Variants in LDB1 observed in about 807,000 individuals in gnomAD.
LDB1 encodes the protein LIM domain binding 1.
A neutral mutation model predicts 49.7 loss-of-function variants in LDB1; 6 were observed. The observed-to-expected ratio is 0.12, with a 90% CI of 0.07 to 0.24. The LOEUF is 0.24. Among genes scored for constraint, LDB1 ranks in the 10% least tolerant of loss-of-function variants. The pLI is 1.00. For missense variants in LDB1, 341 were observed against 561.7 expected, an observed-to-expected ratio of 0.61 and a Z score of 3.97; for synonymous variants, 233 against 202.0, an observed-to-expected ratio of 1.15 and a Z score of -1.30.
At position 102,110,631 on chromosome 10, in the gene LDB1, A is replaced by G. The variant is rs776799323; in HGVS notation, c.423T>C (p.Tyr141=). 4.3e-6 allele frequency: 7 copies of G among 1,613,928 alleles called. No individual in the cohort carries two copies. In the East Asian group the frequency reaches 1.6e-4, roughly 36 times the overall value. Residue 141 remains tyrosine (Y), a synonymous_variant, in exon 6 of 11, where the codon TAT becomes TAC. Transcript: ENST00000673968. ...IFEGGATELY[Y]VLKHPKEAFH... ...ATGCCTCCTTGGGGTGCTTAAGAAC[A>G]TAGTACAGCTCCGTAGCACCCCCCT...
In LDB1 at chr10:102,110,651, C is replaced by G; in HGVS notation, c.403G>C (p.Gly135Arg). Residue 135 changes from glycine to arginine, a missense_variant, in exon 6 of 11, where the codon GGT (glycine) becomes CGT (arginine). By Grantham distance (125) the Gly-to-Arg change is moderately radical. Coordinates refer to ENST00000673968, the MANE Select transcript of LDB1 (RefSeq NM_001113407.3). ...AGAACATAGTACAGCTCCGTAGCAC[C>G]CCCCTCAAAGATGCTGCGGAAGTAG... ...PRYFRSIFEGGATELYYVLKH... is the reference protein window; with the variant it reads ...PRYFRSIFEGRATELYYVLKH... The G allele has an allele frequency of 6.2e-7, 1 of 1,613,876 alleles. No homozygotes were observed. Among genetic ancestry groups the G allele is most frequent in the Non-Finnish European group, 8.5e-7 (1 of 1,179,892 alleles).
rs1362056887 is a variant in LDB1, at chr10:102,107,922, T to TG, written c.*170dup. 6.3e-5 allele frequency: 42 copies of TG among 661,944 alleles called. No homozygotes were observed. Among genetic ancestry groups the TG allele is most frequent in the Middle Eastern group, 3.7e-4 (1 of 2,708 alleles). 41.0% of individuals were successfully genotyped at this position (661,944 alleles called of 1,614,324 possible). A position where few individuals can be genotyped will look rare whatever the true frequency, so the allele number is the denominator to read the frequency against. ...GAGGCCAGGCCCAGCCCAGGGCCACTGGGGGGGCAAATCTTGGCACCTGCC... is the reference window on the plus strand; with the variant it reads ...GAGGCCAGGCCCAGCCCAGGGCCACTGGGGGGGGCAAATCTTGGCACCTGCC... On this transcript the variant is annotated 3_prime_UTR_variant, in exon 11 of 11. Coordinates refer to ENST00000673968, the MANE Select transcript of LDB1 (RefSeq NM_001113407.3).
Position 102,106,545 on chromosome 10 carries a change from A to AAAG in LDB1, c.*1547_*1548insCTT, listed in dbSNP as rs2068162453. On this transcript the variant is annotated 3_prime_UTR_variant, in exon 11 of 11. Coordinates refer to ENST00000673968, the MANE Select transcript of LDB1 (RefSeq NM_001113407.3). Reference sequence around the variant, plus strand: ...CCATACATGACTCAAATGGCCCAAAAAAAAAAAAAAAAAAAAAAAAAAAAA... The same window carrying AAAG: ...CCATACATGACTCAAATGGCCCAAAAAAGAAAAAAAAAAAAAAAAAAAAAAAAA... 2.7e-5 allele frequency among the ~76,000 whole-genome samples: 1 copy of AAAG among 36,996 alleles called. No homozygotes were observed. The highest frequency in any genetic ancestry group is 5.1e-5 in the Non-Finnish European group (1 of 19,672). 24.3% of individuals were successfully genotyped at this position (36,996 alleles called of 152,430 possible).
At chr10:102,112,231 A>C (rs1444590414) in intron 1 of LDB1, among the ~76,000 whole-genome samples, 2 of 152,208 alleles carry the variant, frequency 1.3e-5, no homozygotes, top group African/African-American at 4.8e-5. Flanking sequence ...TCATCAAAAC[A>C]ACCTTATGAG....
chr10:102,106,713 A>G lies in LDB1; in HGVS notation c.*1380T>C, dbSNP rs2068165248. Among the ~76,000 whole-genome samples, 1 of 151,906 alleles carries G rather than the reference A, an allele frequency of 6.6e-6. No homozygotes were observed. On this transcript the variant is annotated 3_prime_UTR_variant, in exon 11 of 11. Transcript: ENST00000673968. ...TGGGGGACCCCAGAATCCAGAGGGA[A>G]GAGTGGGGAGAGAGGTGGTGTTAGC...
intron 1 of LDB1, among the ~76,000 whole-genome samples, chr10:102,113,556 C>G (rs1347297033): frequency 1.3e-5 from 2 of 152,204 alleles, no homozygotes; most frequent in Non-Finnish European, 2.9e-5. Flanking sequence ...GAAGCCCAAA[C>G]TCACACAGCC....
chr10:102,111,583 C>T, intron 1 of LDB1, 47 bp from the exon 2 acceptor site: 1 of 1,171,562 alleles, frequency 8.5e-7, no homozygotes. Flanking sequence ...TGGCTCACAT[C>T]TGTAATCTAG....
chr10:102,110,051 C>G lies in LDB1; in HGVS notation c.526-8G>C. 1 of 1,610,360 alleles carries G rather than the reference C, an allele frequency of 6.2e-7. No homozygotes were observed. Among genetic ancestry groups the G allele is most frequent in the Non-Finnish European group, 8.5e-7 (1 of 1,177,628 alleles). On this transcript the variant is annotated splice_region_variant and splice_polypyrimidine_tract_variant and intron_variant, in intron 6 of 10. Coordinates refer to ENST00000673968, the MANE Select transcript of LDB1 (RefSeq NM_001113407.3). ...CCGGCCCTCCACACACACCTGGGGA[C>G]AGGCTTGTCAGAACCCTGCCCCCTC...
chr10:102,102,189 T>A (rs373065471), downstream of LDB1, among the ~76,000 whole-genome samples: 4 of 152,344 alleles, frequency 2.6e-5, no homozygotes, highest in African/African-American at 9.6e-5. Flanking sequence ...CTTCCCAAAA[T>A]GTTGGGATTA....
At chr10:102,113,495 C>G (rs1031356506) in intron 1 of LDB1, among the ~76,000 whole-genome samples, 1 of 152,170 alleles carries the variant, frequency 6.6e-6, no homozygotes, top group African/African-American at 2.4e-5. Context: ...CAGTCCCCAC[C>G]CAGCCACCAA....
At chr10:102,120,815 A>T (rs1590295212), upstream of LDB1, among the ~76,000 whole-genome samples, 2 of 151,540 alleles carry the variant, frequency 1.3e-5, no homozygotes. Flanking sequence ...CGGCTGGGGG[A>T]GGCGGAGCCG....
downstream of LDB1, among the ~76,000 whole-genome samples, chr10:102,103,402 G>A (rs1256168907): frequency 1.3e-5 from 2 of 151,800 alleles, no homozygotes; most frequent in Non-Finnish European, 2.9e-5. Context: ...GTGCAGTGGT[G>A]CAATCACAAC....
chr10:102,105,415 G>A (rs952223401), downstream of LDB1, among the ~76,000 whole-genome samples: 2 of 152,142 alleles, frequency 1.3e-5, no homozygotes, highest in Non-Finnish European at 1.5e-5. Flanking sequence ...CTAGGGAGGT[G>A]AGGGTAGAGG....
Position 102,118,907 on chromosome 10 carries a change from G to T in LDB1, c.25+1179C>A, listed in dbSNP as rs543693865. 1.3e-3 allele frequency among the ~76,000 whole-genome samples: 196 copies of T among 152,228 alleles called. 1 individual carries two copies. Among genetic ancestry groups the T allele is most frequent in the African/African-American group, 4.3e-3 (177 of 41,524 alleles). On this transcript the variant is annotated intron_variant, in intron 1 of 10. Transcript: ENST00000673968. The stretch of plus-strand genomic sequence containing the variant: ...GCAGGAGCCAGTGGTTCCCATACTC[G>T]GATATTCTAGGATTGTTAGGTTCTC...
chr10:102,109,476 A>G lies in LDB1; in HGVS notation c.764T>C (p.Leu255Pro). Residue 255 changes from leucine to proline, a missense_variant, in exon 9 of 11, where the codon CTC (leucine) becomes CCC (proline). Physicochemically the swap from Leu to Pro is moderately conservative, Grantham distance 98. Around this residue, in one of 5 missense-constraint regions of LDB1, gnomAD observed 233 missense variants for 385.7 expected, o/e 0.60. Transcript: ENST00000673968. This position sits in a 1 kb window ranked among gnomAD's most constrained non-coding sequence, Gnocchi z 5.8. Reference protein sequence around the residue: ...LCVILEPMQELMSRHKTYSLS... With the variant: ...LCVILEPMQEPMSRHKTYSLS... Reference sequence around the variant, plus strand: ...GCTGTAGGTCTTGTGGCGTGACATGAGCTCTTGCATGGGCTCGAGTATCAC... The same window carrying G: ...GCTGTAGGTCTTGTGGCGTGACATGGGCTCTTGCATGGGCTCGAGTATCAC... The G allele has an allele frequency of 6.2e-7, 1 of 1,614,106 alleles. No individual in the cohort carries two copies.
intron 1 of LDB1, among the ~76,000 whole-genome samples, chr10:102,119,209 C>A (rs1189682942): frequency 6.6e-6 from 1 of 152,106 alleles, no homozygotes; most frequent in Non-Finnish European, 1.5e-5. Flanking sequence ...GGGATGGAGA[C>A]AGACAGTGTG....
In LDB1 at chr10:102,107,006, G is replaced by C. The variant is rs1353780888; in HGVS notation, c.*1087C>G. On this transcript the variant is annotated 3_prime_UTR_variant, in exon 11 of 11. Transcript: ENST00000673968. ...CTCCTTCCCCTCTATGAAGGACAGA[G>C]TAGGATTACATATGCAGTTGGAGGG... Among the ~76,000 whole-genome samples, 1 of 152,160 alleles carries C rather than the reference G, an allele frequency of 6.6e-6. No homozygotes were observed. The highest frequency in any genetic ancestry group is 2.4e-5 in the African/African-American group (1 of 41,414).
At chr10:102,110,379 T>C in intron 6 of LDB1, 150 bp downstream of exon 6, 1 of 760,548 alleles carries the variant, frequency 1.3e-6, no homozygotes, top group South Asian at 1.8e-5. Context: ...AATACATGTT[T>C]GCTGACGGTT....
chr10:102,114,697 G>T, intron 1 of LDB1: 2 of 803,006 alleles, frequency 2.5e-6, no homozygotes, highest in Non-Finnish European at 3.0e-6. Context: ...GGAGTCCGGA[G>T]CCTTCTTTGT....
Sources: allele counts gnomAD v4.1 joint callset (sites outside exome capture counted in the v4.1 genomes callset), GRCh38; gene constraint gnomAD v4.1.1; regional missense constraint gnomAD v4.1.1; non-coding constraint Gnocchi (gnomAD v3.1); transcripts MANE v1.5; gene names NCBI Gene and HGNC (gene_info 2026-07-23, HGNC 2026-07-21).